Variants in CCDC178 observed in about 807,000 individuals in gnomAD.
CCDC178 encodes the protein coiled-coil domain-containing protein 178.
Under a neutral mutation model 117.4 loss-of-function variants are expected in CCDC178, and 126 were observed. The ratio of observed to expected loss-of-function variants is 1.07; its 90% CI spans 0.93 to 1.24. The LOEUF (loss-of-function observed/expected upper bound fraction) is 1.24, where lower values mean the gene tolerates loss of function less well. CCDC178 is among the 50% of genes most tolerant of loss of function. The pLI is 0.00. For missense variants in CCDC178, 1,030 were observed against 986.9 expected, an observed-to-expected ratio of 1.04 and a Z score of -0.59; for synonymous variants, 283 against 313.4, an observed-to-expected ratio of 0.90 and a Z score of 1.02.
intron 21 of CCDC178, among the ~76,000 whole-genome samples, chr18:32,992,362 T>C (rs1302095851): frequency 3.9e-5 from 6 of 152,310 alleles, no homozygotes; most frequent in Admixed American, 3.9e-4. Context: ...TAAATTGGAA[T>C]ATTAAATTTA....
At chr18:33,425,438 C>T (rs531872853) in intron 2 of CCDC178, among the ~76,000 whole-genome samples, 76 of 152,256 alleles carry the variant, frequency 5.0e-4, no homozygotes, top group Non-Finnish European at 1.1e-3. Flanking sequence ...CTCAGATTCT[C>T]TTTTTATAGT....
chr18:33,421,280 C>T (rs2064020818), intron 2 of CCDC178, among the ~76,000 whole-genome samples: 1 of 152,194 alleles, frequency 6.6e-6, no homozygotes, highest in Non-Finnish European at 1.5e-5. Flanking sequence ...AAAAGATCTA[C>T]TGCATTTCAG....
Position 33,112,838 on chromosome 18 carries a change from G to A in CCDC178, c.2239-19928C>T, listed in dbSNP as rs577989023. On this transcript the variant is annotated intron_variant, in intron 20 of 22. Coordinates refer to ENST00000383096, the MANE Select transcript of CCDC178 (RefSeq NM_001105528.4). Reference sequence around the variant, plus strand: ...TCCAAGACAAACAGAAGATGATGGGGGAATTCCTGCATTTTCCACAGAGGG... The same window carrying A: ...TCCAAGACAAACAGAAGATGATGGGAGAATTCCTGCATTTTCCACAGAGGG... Among the ~76,000 whole-genome samples, 3 of 151,874 alleles carry A rather than the reference G, an allele frequency of 2.0e-5. No individual in the cohort carries two copies. In the South Asian group the frequency reaches 6.2e-4, roughly 32 times the overall value.
At chr18:33,048,623 T>C (rs760937350) in intron 21 of CCDC178, among the ~76,000 whole-genome samples, 14 of 152,176 alleles carry the variant, frequency 9.2e-5, no homozygotes, top group Non-Finnish European at 1.5e-4. Flanking sequence ...TACAGAAATA[T>C]TTGTATAACA....
chr18:33,096,325 TA>T (rs201514578), intron 20 of CCDC178, among the ~76,000 whole-genome samples: 2,948 of 113,150 alleles, frequency 0.026, 70 homozygotes, highest in African/African-American at 0.085. Flanking sequence ...ATATTTTATA[TA>T]AAAATATAAA....
At chr18:33,132,575 T>A (rs964445927) in intron 20 of CCDC178, among the ~76,000 whole-genome samples, 4 of 151,758 alleles carry the variant, frequency 2.6e-5, no homozygotes, top group African/African-American at 9.7e-5. Flanking sequence ...AAAAGGTAAT[T>A]TAAAAGAATC....
intron 5 of CCDC178, among the ~76,000 whole-genome samples, chr18:33,373,963 G>A (rs554100774): frequency 1.3e-5 from 2 of 152,144 alleles, no homozygotes; most frequent in East Asian, 1.9e-4. Flanking sequence ...AACTGATTTT[G>A]GACTTTGAAA....
chr18:33,227,550 GTGTGTGTATA>G (rs1397207983), intron 15 of CCDC178, among the ~76,000 whole-genome samples: 35 of 72,638 alleles, frequency 4.8e-4, no homozygotes, highest in African/African-American at 1.5e-3. Context: ...GTGTGTGTGT[GTGTGTGTATA>G]TATATATATA....
intron 21 of CCDC178, among the ~76,000 whole-genome samples, chr18:33,060,089 A>C (rs1245488155): frequency 1.3e-5 from 2 of 152,150 alleles, no homozygotes; most frequent in East Asian, 1.9e-4. Context: ...TCTAAGACTC[A>C]GTATAGGTAT....
intron 2 of CCDC178, among the ~76,000 whole-genome samples, chr18:33,415,406 G>A (rs1458096069): frequency 6.6e-6 from 1 of 152,098 alleles, no homozygotes; most frequent in Non-Finnish European, 1.5e-5. Context: ...TTGTAGGGAT[G>A]TGGATGAAGC....
intron 5 of CCDC178, among the ~76,000 whole-genome samples, chr18:33,379,173 AATATATATATTTCCATATATATAAT>A (rs1568187878): frequency 1.0e-4 from 5 of 49,176 alleles, no homozygotes; most frequent in African/African-American, 2.0e-4. Flanking sequence ...CCATATATAT[AATATATATATTTCCATATATATAAT>A]ATATATATAT....
intron 5 of CCDC178, among the ~76,000 whole-genome samples, chr18:33,371,261 T>C (rs567076734): frequency 6.8e-6 from 1 of 147,436 alleles, no homozygotes; most frequent in Non-Finnish European, 1.5e-5. Context: ...AATGTTCGAC[T>C]CTCTCTCATA....
intron 3 of CCDC178, 58 bp from the exon 4 acceptor site, chr18:33,397,266 C>T: frequency 8.9e-7 from 1 of 1,129,500 alleles, no homozygotes. Flanking sequence ...AAATATTCTG[C>T]CCTATATTGC....
At chr18:33,226,473 C>G (rs465831) in intron 16 of CCDC178, among the ~76,000 whole-genome samples, 24,471 of 152,102 alleles carry the variant, frequency 0.16, 2,743 homozygotes, top group African/African-American at 0.32. Context: ...AAGACACTAA[C>G]AGTAAAGAAA....
chr18:33,068,445 A>G (rs2057055995), intron 21 of CCDC178, among the ~76,000 whole-genome samples: 1 of 152,146 alleles, frequency 6.6e-6, no homozygotes, highest in Non-Finnish European at 1.5e-5. Flanking sequence ...ACTCAATACA[A>G]CAACACATCA....
Position 33,346,370 on chromosome 18 carries a change from G to A in CCDC178, c.499C>T (p.Leu167Phe), listed in dbSNP as rs753832341. 1.2e-6 allele frequency: 2 copies of A among 1,613,348 alleles called. No homozygotes were observed. Among genetic ancestry groups the A allele is most frequent in the East Asian group, 2.2e-5 (1 of 44,850 alleles). The change falls in exon 9 of 23, where the codon CTC (leucine) becomes TTC (phenylalanine). Residue 167 changes from leucine (L) to phenylalanine (F), a missense_variant. Transcript: ENST00000383096. ...TTAATGAGACGAATGGCCTCTGAGAGCAATGTTTCCATTTCCTGCTTTAAC... is the reference window on the plus strand; with the variant it reads ...TTAATGAGACGAATGGCCTCTGAGAACAATGTTTCCATTTCCTGCTTTAAC... ...PELKQEMETL[L>F]SEAIRLIKSL...
intron 18 of CCDC178, among the ~76,000 whole-genome samples, chr18:33,218,459 G>T (rs528661157): frequency 4.3e-4 from 65 of 152,220 alleles, no homozygotes; most frequent in African/African-American, 1.3e-3. Flanking sequence ...AGTTTAATTA[G>T]ATCCCAGTTG....
intron 12 of CCDC178, among the ~76,000 whole-genome samples, chr18:33,276,028 GTAAATAAA>G (rs148486473): frequency 1.4e-5 from 2 of 146,754 alleles, no homozygotes; most frequent in Non-Finnish European, 1.5e-5. Context: ...AAGTAAGTGA[GTAAATAAA>G]TAAATAAATA....
intron 21 of CCDC178, among the ~76,000 whole-genome samples, chr18:33,066,057 T>G (rs1479763412): frequency 2.0e-5 from 3 of 151,850 alleles, no homozygotes; most frequent in African/African-American, 7.3e-5. Context: ...GAGATGGGGT[T>G]TTACCGTGTT....
Sources: gnomAD v4.1 joint callset for allele counts (sites outside exome capture counted in the v4.1 genomes callset) on GRCh38, gnomAD v4.1.1 for gene constraint, MANE v1.5 for transcripts, NCBI Gene and HGNC (gene_info 2026-07-23, HGNC 2026-07-21) for gene names.